DTNA: variants seen among roughly 807,000 people sequenced by gnomAD.
DTNA encodes the protein dystrobrevin alpha.
DTNA carries 43 observed loss-of-function variants against 100.7 expected under a neutral mutation model. That is an observed-to-expected ratio of 0.43 (90% CI 0.33 to 0.55). DTNA has a LOEUF of 0.55. DTNA is among the 20% of genes least tolerant of loss of function. The pLI is 0.04. For missense variants in DTNA, 798 were observed against 953.9 expected, an observed-to-expected ratio of 0.84 and a Z score of 2.15; for synonymous variants, 349 against 347.9, an observed-to-expected ratio of 1.00 and a Z score of -0.04.
At chr18:34,763,452 C>T (rs954588207) in intron 2 of DTNA, among the ~76,000 whole-genome samples, 3 of 152,098 alleles carry the variant, frequency 2.0e-5, no homozygotes, top group South Asian at 4.1e-4. Flanking sequence ...ATAAATATGA[C>T]GTCCTACCCT....
At position 34,825,314 on chromosome 18, in the gene DTNA, G is replaced by A. The variant is rs190525314; in HGVS notation, c.1002-2279G>A. 2.9e-5 allele frequency: 47 copies of A among 1,612,758 alleles called. No individual in the cohort carries two copies. In the East Asian group the frequency reaches 8.9e-4, roughly 31 times the overall value. On this transcript the variant is annotated intron_variant, in intron 9 of 22. Transcript: ENST00000444659. The stretch of plus-strand genomic sequence containing the variant: ...TCATTTCCAGTCTACTTACAAAGAT[G>A]TATAATCATGATCATAAGTGGGGAT...
At chr18:34,750,533 A>C (rs148520802) in intron 1 of DTNA, among the ~76,000 whole-genome samples, 339 of 152,308 alleles carry the variant, frequency 2.2e-3, no homozygotes, top group African/African-American at 8.0e-3. Flanking sequence ...TTACTGGTGA[A>C]TGGAATCTAT....
intron 2 of DTNA, among the ~76,000 whole-genome samples, chr18:34,764,637 T>A (rs1024194819): frequency 2.0e-5 from 3 of 152,212 alleles, no homozygotes; most frequent in East Asian, 1.9e-4. Context: ...TCTGAAGATA[T>A]CGGTTTGAGT....
intron 16 of DTNA, among the ~76,000 whole-genome samples, chr18:34,863,582 T>G (rs558873801): frequency 6.6e-4 from 101 of 152,340 alleles, no homozygotes; most frequent in African/African-American, 2.3e-3. Context: ...GGTTCTTAGA[T>G]TTGGAGAATC....
intron 4 of DTNA, among the ~76,000 whole-genome samples, chr18:34,795,847 A>G (rs1396492050): frequency 1.3e-5 from 2 of 152,216 alleles, no homozygotes; most frequent in African/African-American, 4.8e-5. Context: ...TCACACAAAT[A>G]TAGTTAGATT....
chr18:34,597,714 C>T (rs544119051), intron 1 of DTNA, among the ~76,000 whole-genome samples: 15 of 152,286 alleles, frequency 9.8e-5, no homozygotes, highest in Middle Eastern at 6.8e-3. Context: ...CAATGGCTGC[C>T]TCCACAATAT....
intron 1 of DTNA, among the ~76,000 whole-genome samples, chr18:34,605,128 A>C (rs2052753442): frequency 6.6e-6 from 1 of 151,944 alleles, no homozygotes; most frequent in African/African-American, 2.4e-5. Context: ...AAAAAAAAAA[A>C]ATCTGGGTAA....
chr18:34,873,923 A>T (rs1438823525), intron 17 of DTNA, among the ~76,000 whole-genome samples: 2 of 152,174 alleles, frequency 1.3e-5, no homozygotes, highest in South Asian at 2.1e-4. Flanking sequence ...GCCTGGACAG[A>T]CCATTACAAG....
intron 1 of DTNA, among the ~76,000 whole-genome samples, chr18:34,718,474 T>A (rs1381661851): frequency 6.6e-6 from 1 of 152,210 alleles, no homozygotes; most frequent in East Asian, 1.9e-4. Context: ...TTCTCCAGTC[T>A]TTACCCCATT....
chr18:34,819,584 A>T (rs1037821173), intron 8 of DTNA, among the ~76,000 whole-genome samples: 2 of 152,192 alleles, frequency 1.3e-5, no homozygotes, highest in African/African-American at 4.8e-5. Flanking sequence ...AACTAATCAG[A>T]TTTAGTTGTT....
chr18:34,812,666 C>G lies in DTNA; in HGVS notation c.603+553C>G, dbSNP rs183613241. 1.8e-4 allele frequency among the ~76,000 whole-genome samples: 28 copies of G among 152,276 alleles called. No homozygotes were observed. The East Asian group carries it at 4.6e-3, about 25-fold the overall frequency. On this transcript the variant is annotated intron_variant, in intron 6 of 22. Coordinates refer to ENST00000444659, the MANE Select transcript of DTNA (RefSeq NM_001386795.1). ...GAACCACCCCATGATCCAATCACCTCCCACCAGGTCTCTCCCTCAACACCT... is the reference window on the plus strand; with the variant it reads ...GAACCACCCCATGATCCAATCACCTGCCACCAGGTCTCTCCCTCAACACCT...
chr18:34,859,636 CTTTTG>C (rs898474921), intron 16 of DTNA, among the ~76,000 whole-genome samples: 2 of 152,198 alleles, frequency 1.3e-5, no homozygotes, highest in African/African-American at 4.8e-5. Context: ...GCCTCGGATC[CTTTTG>C]TTACTTGGGT....
chr18:34,875,496 T>C, intron 18 of DTNA, 98 bp downstream of exon 18: 2 of 1,545,268 alleles, frequency 1.3e-6, no homozygotes, highest in Non-Finnish European at 1.8e-6. Flanking sequence ...CACATGTGAC[T>C]ATTGTAGGGT....
chr18:34,664,852 G>C (rs2144700490), intron 1 of DTNA, among the ~76,000 whole-genome samples: 1 of 152,078 alleles, frequency 6.6e-6, no homozygotes, highest in South Asian at 2.1e-4. Flanking sequence ...AGCTCTTGGA[G>C]GTCTTCAGAA....
intron 1 of DTNA, among the ~76,000 whole-genome samples, chr18:34,620,107 C>A (rs1003533247): frequency 1.3e-5 from 2 of 152,136 alleles, no homozygotes; most frequent in African/African-American, 4.8e-5. Flanking sequence ...TTGGCTTCCC[C>A]AATTCAGAGG....
intron 4 of DTNA, among the ~76,000 whole-genome samples, chr18:34,795,200 A>G (rs1028502814): frequency 6.6e-6 from 1 of 152,136 alleles, no homozygotes; most frequent in Non-Finnish European, 1.5e-5. Context: ...TGTCTGGCCA[A>G]TGCCTGGAAG....
At chr18:34,758,902 G>A (rs1339154260) in intron 2 of DTNA, among the ~76,000 whole-genome samples, 1 of 152,248 alleles carries the variant, frequency 6.6e-6, no homozygotes, top group Non-Finnish European at 1.5e-5. Context: ...GCAAATTCAG[G>A]TGATTGCAGC....
At chr18:34,684,943 C>T (rs895113110) in intron 1 of DTNA, among the ~76,000 whole-genome samples, 1 of 152,174 alleles carries the variant, frequency 6.6e-6, no homozygotes. Context: ...GCATAAATGT[C>T]TTCTTTTGAA....
intron 2 of DTNA, among the ~76,000 whole-genome samples, chr18:34,756,928 CT>C (rs1226073016): frequency 1.3e-5 from 2 of 152,046 alleles, no homozygotes; most frequent in Admixed American, 6.6e-5. Flanking sequence ...GCCTTTTTCC[CT>C]AAGAAGGCAG....
Sources: gnomAD v4.1 joint callset for allele counts (sites outside exome capture counted in the v4.1 genomes callset) on GRCh38, gnomAD v4.1.1 for gene constraint, MANE v1.5 for transcripts, NCBI Gene and HGNC (gene_info 2026-07-23, HGNC 2026-07-21) for gene names.